CACNG2: variants seen among roughly 807,000 people sequenced by gnomAD.
CACNG2 encodes voltage-dependent calcium channel gamma-2 subunit.
A neutral mutation model predicts 25.9 loss-of-function variants in CACNG2; 3 were observed. The observed-to-expected ratio is 0.12, with a 90% confidence interval of 0.05 to 0.30. The LOEUF (loss-of-function observed/expected upper bound fraction) is 0.30. Ranked by LOEUF, CACNG2 falls within the 10% of genes least tolerant of loss-of-function variation. The pLI is 1.00. For missense variants in CACNG2, 341 were observed against 432.5 expected (o/e 0.79, Z 1.88); for synonymous variants, 167 against 173.3 (o/e 0.96, Z 0.29).
intron 1 of CACNG2, among the ~76,000 whole-genome samples, chr22:36,654,751 T>A (rs1176563484): frequency 6.6e-6 from 1 of 152,214 alleles, no homozygotes. Flanking sequence ...GATATCTTCA[T>A]CTACAAGAGT....
At chr22:36,654,037 G>A (rs1936667156) in intron 1 of CACNG2, among the ~76,000 whole-genome samples, 1 of 149,356 alleles carries the variant, frequency 6.7e-6, no homozygotes, top group Non-Finnish European at 1.5e-5. Flanking sequence ...CATTTGGGGG[G>A]TACTTTCAGA....
chr22:36,615,316 T>C (rs541161902), intron 1 of CACNG2, among the ~76,000 whole-genome samples: 3 of 152,344 alleles, frequency 2.0e-5, no homozygotes, highest in East Asian at 3.9e-4. Flanking sequence ...GGATTTCCTG[T>C]ATCTCATGGG....
chr22:36,593,625 C>A (rs546703784), intron 1 of CACNG2, among the ~76,000 whole-genome samples: 9 of 152,006 alleles, frequency 5.9e-5, no homozygotes, highest in Non-Finnish European at 1.3e-4. Context: ...TAGAAGGTGC[C>A]ATGGCAAGGA....
In CACNG2 at chr22:36,564,995, C is replaced by T; in HGVS notation, c.437-109G>A. The stretch of plus-strand genomic sequence containing the variant: ...GGACGGGGACAGCTGTGTGGGCCTT[C>T]CCCGGTCCCGCGCCTTCATGAACAG... On this transcript the variant is annotated intron_variant, in intron 3 of 3. Coordinates refer to ENST00000300105, the MANE Select transcript of CACNG2 (RefSeq NM_006078.5). The surrounding 1 kb of genome is among the most constrained non-coding windows in gnomAD (Gnocchi z 6.7). 1 of 971,466 alleles carries T rather than the reference C, an allele frequency of 1.0e-6. No homozygotes were observed. The highest frequency in any genetic ancestry group is 1.6e-5 in the African/African-American group (1 of 62,882). The allele number at this position is 971,466 out of a possible 1,614,324, so 60.2% of individuals were successfully genotyped here.
intron 1 of CACNG2, among the ~76,000 whole-genome samples, chr22:36,636,991 G>A (rs898448185): frequency 1.3e-5 from 2 of 152,198 alleles, no homozygotes; most frequent in African/African-American, 4.8e-5. Context: ...AGCAGAGCAG[G>A]TTCTGGCTGG....
intron 2 of CACNG2, 151 bp from the exon 3 acceptor site, chr22:36,566,644 G>T: frequency 1.2e-6 from 1 of 867,126 alleles, no homozygotes; most frequent in Non-Finnish European, 1.9e-6. Flanking sequence ...GGGAGGGAGA[G>T]ACAGCGAGCA....
chr22:36,574,851 G>A (rs1023359386), intron 2 of CACNG2, among the ~76,000 whole-genome samples: 2 of 152,184 alleles, frequency 1.3e-5, no homozygotes. Flanking sequence ...GAAGATCAAA[G>A]GTTTGGTTTT....
At chr22:36,645,995 G>A (rs540268721) in intron 1 of CACNG2, among the ~76,000 whole-genome samples, 26 of 152,268 alleles carry the variant, frequency 1.7e-4, no homozygotes, top group East Asian at 7.7e-4. Context: ...TGAAATCAAA[G>A]CTTGAAACAG....
At chr22:36,623,706 C>T (rs1415437279) in intron 1 of CACNG2, among the ~76,000 whole-genome samples, 3 of 152,018 alleles carry the variant, frequency 2.0e-5, no homozygotes, top group African/African-American at 7.3e-5. Context: ...TGCTTAAAAA[C>T]TGACAATAAT....
intron 1 of CACNG2, among the ~76,000 whole-genome samples, chr22:36,621,643 A>T (rs74806755): frequency 0.034 from 5,224 of 151,932 alleles, 331 homozygotes; most frequent in African/African-American, 0.12. Flanking sequence ...ACAGGCACAC[A>T]CACAAACACT....
chr22:36,702,464 C>T lies in CACNG2; in HGVS notation c.113G>A (p.Gly38Glu). ...ACTGACACTTTTGGTCTTGCAAACC[C>T]CTCTGGAGTAGAGCCAATAGTCGGT... ...VGTDYWLYSR[G>E]VCKTKSVSEN... The change falls in exon 1 of 4, where the codon GGG (glycine) becomes GAG (glutamate). Residue 38 changes from glycine to glutamate, a missense_variant. Coordinates refer to ENST00000300105, the MANE Select transcript of CACNG2 (RefSeq NM_006078.5). The T allele has an allele frequency of 3.1e-6, 5 of 1,614,054 alleles. No homozygotes were observed. The highest frequency in any genetic ancestry group is 2.2e-5 in the South Asian group (2 of 91,080).
rs1164294842 is a variant in CACNG2, at chr22:36,564,823, C to T, written c.500G>A (p.Ser167Asn). Residue 167 changes from serine to asparagine, a missense_variant, in exon 4 of 4, where the codon AGC becomes AAC. Around this residue, in one of 2 missense-constraint regions of CACNG2, gnomAD observed 169 missense variants for 254.4 expected, o/e 0.66. Coordinates refer to ENST00000300105, the MANE Select transcript of CACNG2 (RefSeq NM_006078.5). This position sits in a 1 kb window ranked among gnomAD's most constrained non-coding sequence, Gnocchi z 6.7. ...ISANAGDPSK[S>N]DSKKNSYSYG... ...TGAGTAACTATTCTTTTTGGAGTCG[C>T]TCTTGGAGGGGTCTCCGGCATTGGC... The T allele has an allele frequency of 3.1e-6, 5 of 1,614,162 alleles. No individual in the cohort carries two copies. Among genetic ancestry groups the T allele is most frequent in the Non-Finnish European group, 3.4e-6 (4 of 1,180,046 alleles).
intron 1 of CACNG2, among the ~76,000 whole-genome samples, chr22:36,660,669 G>A (rs972635356): frequency 1.1e-4 from 16 of 152,336 alleles, no homozygotes; most frequent in East Asian, 3.9e-4. Flanking sequence ...CAGCGTGTGC[G>A]CTTGGCTGTT....
intron 1 of CACNG2, among the ~76,000 whole-genome samples, chr22:36,692,290 C>A (rs772703456): frequency 6.6e-6 from 1 of 152,152 alleles, no homozygotes; most frequent in African/African-American, 2.4e-5. Context: ...GAAGGCTACC[C>A]AAGGTCAAAG....
intron 1 of CACNG2, among the ~76,000 whole-genome samples, chr22:36,643,231 C>T (rs1412712377): frequency 6.8e-6 from 1 of 148,124 alleles, no homozygotes; most frequent in Non-Finnish European, 1.5e-5. Context: ...TCCTTCCTTC[C>T]CTTTTTGTCT....
intron 1 of CACNG2, among the ~76,000 whole-genome samples, chr22:36,604,100 A>T (rs1242174590): frequency 6.6e-6 from 1 of 152,252 alleles, no homozygotes. Flanking sequence ...ATCAACATTA[A>T]CAGGAATTTG....
intron 2 of CACNG2, among the ~76,000 whole-genome samples, chr22:36,576,069 A>C (rs1412989368): frequency 6.6e-6 from 1 of 152,244 alleles, no homozygotes; most frequent in East Asian, 1.9e-4. Context: ...GTTTCAAAAA[A>C]TGCCTGTGTG....
chr22:36,697,941 A>C (rs1937361513), intron 1 of CACNG2, among the ~76,000 whole-genome samples: 1 of 152,196 alleles, frequency 6.6e-6, no homozygotes, highest in African/African-American at 2.4e-5. Context: ...GGCTGTGTGC[A>C]TGGATCATTT....
At chr22:36,610,336 G>C (rs1411305178) in intron 1 of CACNG2, among the ~76,000 whole-genome samples, 1 of 149,394 alleles carries the variant, frequency 6.7e-6, no homozygotes, top group Non-Finnish European at 1.5e-5. Flanking sequence ...TCCCCAGAGC[G>C]TGATTGGGAG....
Sources: allele counts gnomAD v4.1 joint callset (sites outside exome capture counted in the v4.1 genomes callset), GRCh38; gene constraint gnomAD v4.1.1; regional missense constraint gnomAD v4.1.1; non-coding constraint Gnocchi (gnomAD v3.1); transcripts MANE v1.5; gene names NCBI Gene and HGNC (gene_info 2026-07-23, HGNC 2026-07-21).